The following CDH20 variants were observed in gnomAD, a reference collection of about 807,000 sequenced individuals.
The protein encoded by CDH20 is cadherin 20, also known as cadherin-20.
Under a neutral mutation model 74.2 loss-of-function variants are expected in CDH20, and 29 were observed. The observed-to-expected ratio is 0.39, with a 90% CI of 0.29 to 0.53. The LOEUF (loss-of-function observed/expected upper bound fraction) is 0.53, where lower values mean the gene tolerates loss of function less well. Among genes scored for constraint, CDH20 ranks in the 20% least tolerant of loss-of-function variants. CDH20 has a pLI of 0.69. For missense variants in CDH20, 988 were observed against 1,048.3 expected (o/e 0.94, Z 0.79); for synonymous variants, 469 against 405.4 (o/e 1.16, Z -1.88).
chr18:61,548,494 C>T (rs1268624776), intron 10 of CDH20, among the ~76,000 whole-genome samples: 1 of 152,202 alleles, frequency 6.6e-6, no homozygotes, highest in Non-Finnish European at 1.5e-5. Flanking sequence ...AGGTACATGG[C>T]ACATGAGCCT....
intron 6 of CDH20, among the ~76,000 whole-genome samples, chr18:61,525,995 C>T (rs947076457): frequency 2.2e-5 from 2 of 92,362 alleles, no homozygotes; most frequent in African/African-American, 4.5e-5. Flanking sequence ...TTTTTGGTAG[C>T]GATGTAGGTC....
chr18:61,511,897 A>C (rs940845678), intron 6 of CDH20, among the ~76,000 whole-genome samples: 5 of 152,224 alleles, frequency 3.3e-5, no homozygotes, highest in Non-Finnish European at 7.3e-5. Flanking sequence ...AAATGGAATT[A>C]AGAAAAAGGT....
rs1420748092 is a variant in CDH20, at chr18:61,333,843, C to A, written c.-153+16C>A. On this transcript the variant is annotated intron_variant, in intron 1 of 11. Coordinates refer to ENST00000262717, the MANE Select transcript of CDH20 (RefSeq NM_031891.4). Reference sequence around the variant, plus strand: ...GCGGTGCCAGGTAACGCAGAGGGCTCGGGTCGGGCCCCGCTTCTGGGGCTT... The same window carrying A: ...GCGGTGCCAGGTAACGCAGAGGGCTAGGGTCGGGCCCCGCTTCTGGGGCTT... 6.6e-6 allele frequency: 1 copy of A among 152,180 alleles called. No individual in the cohort carries two copies. The highest frequency in any genetic ancestry group is 1.5e-5 in the Non-Finnish European group (1 of 68,098). The allele number at this position is 152,180 out of a possible 1,614,324, so 9.4% of individuals were successfully genotyped here.
intron 1 of CDH20, among the ~76,000 whole-genome samples, chr18:61,472,418 G>A (rs768960963): frequency 3.9e-5 from 6 of 152,048 alleles, no homozygotes; most frequent in Non-Finnish European, 8.8e-5. Flanking sequence ...CTAATTTAAA[G>A]ACTAATCTGG....
intron 1 of CDH20, among the ~76,000 whole-genome samples, chr18:61,486,596 T>C (rs1170390095): frequency 1.3e-5 from 2 of 150,644 alleles, no homozygotes; most frequent in Non-Finnish European, 3.0e-5. Context: ...TGGTACACTG[T>C]CATGTTTCAT....
At chr18:61,426,940 T>C (rs2144286542) in intron 1 of CDH20, among the ~76,000 whole-genome samples, 2 of 152,186 alleles carry the variant, frequency 1.3e-5, no homozygotes, top group South Asian at 4.2e-4. Context: ...GTCAGTTAAG[T>C]GGGGACCTGA....
chr18:61,352,877 T>C (rs1246419012), intron 1 of CDH20, among the ~76,000 whole-genome samples: 1 of 152,238 alleles, frequency 6.6e-6, no homozygotes, highest in Non-Finnish European at 1.5e-5. Context: ...ATAGAAGTTC[T>C]CATTGTTAGG....
At chr18:61,521,808 A>C (rs1278368525) in intron 6 of CDH20, among the ~76,000 whole-genome samples, 4 of 152,198 alleles carry the variant, frequency 2.6e-5, no homozygotes, top group African/African-American at 9.7e-5. Context: ...CATAAACAGA[A>C]CCAATGACAA....
intron 10 of CDH20, among the ~76,000 whole-genome samples, chr18:61,549,050 AC>A: frequency 6.6e-6 from 1 of 152,298 alleles, no homozygotes; most frequent in Non-Finnish European, 1.5e-5. Context: ...TTTGAGAATC[AC>A]TTCTTGCATG....
intron 5 of CDH20, 52 bp downstream of exon 5, chr18:61,503,172 C>T (rs754315758): frequency 5.7e-6 from 8 of 1,396,542 alleles, no homozygotes; most frequent in Admixed American, 2.4e-5. Flanking sequence ...GGGACGCACC[C>T]GTTGCAGAGG....
chr18:61,538,578 C>CTTTGTTTTTTTTTTTTTTTTTTTTT (rs1555684264), intron 8 of CDH20, among the ~76,000 whole-genome samples: 1 of 34,990 alleles, frequency 2.9e-5, no homozygotes, highest in Non-Finnish European at 7.6e-5. Context: ...TAAATAACTA[C>CTTTGTTTTTTTTTTTTTTTTTTTTT]TTTTTGTTTG....
chr18:61,510,829 A>G (rs1184656887), intron 6 of CDH20, among the ~76,000 whole-genome samples: 1 of 152,194 alleles, frequency 6.6e-6, no homozygotes, highest in African/African-American at 2.4e-5. Context: ...GATTAAAATA[A>G]CAATACTATT....
chr18:61,472,739 A>C lies in CDH20; in HGVS notation c.-152-17663A>C, dbSNP rs113226970. The stretch of plus-strand genomic sequence containing the variant: ...TTTAAATTATTATTGGGTGGCTGTT[A>C]ATTGTAGTCACTAGTGCCCGTTAAA... On this transcript the variant is annotated intron_variant, in intron 1 of 11. Transcript: ENST00000262717. Among the ~76,000 whole-genome samples, 586 of 152,320 alleles carry C rather than the reference A, an allele frequency of 3.8e-3. 4 individuals are homozygous for C. The highest frequency in any genetic ancestry group is 0.013 in the African/African-American group (553 of 41,566).
chr18:61,536,632 A>G lies in CDH20; in HGVS notation c.1408+3A>G. 1 of 1,613,508 alleles carries G rather than the reference A, an allele frequency of 6.2e-7. No homozygotes were observed. The highest frequency in any genetic ancestry group is 8.5e-7 in the Non-Finnish European group (1 of 1,179,510). On this transcript the variant is annotated splice_donor_region_variant and intron_variant, in intron 8 of 11. Transcript: ENST00000262717. Reference sequence around the variant, plus strand: ...CACTGTCCTTGCTATGGAAATGAGTAAGTAGCACAGTAAGTTGGTCTCCAT... The same window carrying G: ...CACTGTCCTTGCTATGGAAATGAGTGAGTAGCACAGTAAGTTGGTCTCCAT...
chr18:61,342,056 A>G (rs1909968357), intron 1 of CDH20, among the ~76,000 whole-genome samples: 1 of 152,226 alleles, frequency 6.6e-6, no homozygotes, highest in Non-Finnish European at 1.5e-5. Flanking sequence ...CTCAGCACAG[A>G]GGATATTATT....
At chr18:61,440,976 G>C (rs1161780122) in intron 1 of CDH20, among the ~76,000 whole-genome samples, 1 of 152,148 alleles carries the variant, frequency 6.6e-6, no homozygotes, top group Non-Finnish European at 1.5e-5. Context: ...AGAAATTGCA[G>C]CTACTTTTGC....
Position 61,511,972 on chromosome 18 carries a change from T to C in CDH20, c.1017+4412T>C, listed in dbSNP as rs930378623. Among the ~76,000 whole-genome samples the C allele has an allele frequency of 2.7e-4, 41 of 152,354 alleles. 1 individual carries two copies. Among genetic ancestry groups the C allele is most frequent in the Middle Eastern group, 3.4e-3 (1 of 294 alleles). On this transcript the variant is annotated intron_variant, in intron 6 of 11. Transcript: ENST00000262717. The stretch of plus-strand genomic sequence containing the variant: ...ATTTTAGAGGCCACTGACAGCTCAG[T>C]CTACGCCTTTGCAACAACATTCACT...
At chr18:61,405,789 G>A (rs1912310880) in intron 1 of CDH20, among the ~76,000 whole-genome samples, 1 of 152,180 alleles carries the variant, frequency 6.6e-6, no homozygotes, top group Non-Finnish European at 1.5e-5. Context: ...ATGAGGCCCA[G>A]CAGCCTGTGT....
Position 61,353,850 on chromosome 18 carries a change from G to C in CDH20, c.-153+20023G>C, listed in dbSNP as rs1910396619. ...TAATCCCAGCATTTTAGGAGGCCGG[G>C]GCGGTTGGATTGCCTGAACTCTGTA... is the stretch of plus-strand genomic sequence containing the variant. On this transcript the variant is annotated intron_variant, in intron 1 of 11. Transcript: ENST00000262717. This position sits in a 1 kb window ranked among gnomAD's most constrained non-coding sequence, Gnocchi z 4.6. Among the ~76,000 whole-genome samples the C allele has an allele frequency of 6.6e-6, 1 of 152,096 alleles. No homozygotes were observed. Among genetic ancestry groups the C allele is most frequent in the Non-Finnish European group, 1.5e-5 (1 of 68,032 alleles).
Sources: gnomAD v4.1 joint callset for allele counts (sites outside exome capture counted in the v4.1 genomes callset) on GRCh38, gnomAD v4.1.1 for gene constraint, Gnocchi (gnomAD v3.1) non-coding constraint, MANE v1.5 for transcripts, NCBI Gene and HGNC (gene_info 2026-07-23, HGNC 2026-07-21) for gene names.